PIEZO2: variants seen among roughly 807,000 people sequenced by gnomAD.
The protein encoded by PIEZO2 is piezo type mechanosensitive ion channel component 2.
Under a neutral mutation model 337.3 loss-of-function variants are expected in PIEZO2, and 172 were observed. The observed-to-expected ratio is 0.51, with a 90% CI of 0.45 to 0.58. The LOEUF (loss-of-function observed/expected upper bound fraction) is 0.58, where lower values mean the gene tolerates loss of function less well. PIEZO2 is among the 20% of genes least tolerant of loss of function. The pLI is 0.00. For missense variants in PIEZO2, 3,028 were observed against 3,391.3 expected (o/e 0.89, Z 2.66); for synonymous variants, 1,251 against 1,228.5 (o/e 1.02, Z -0.38).
intron 1 of PIEZO2, among the ~76,000 whole-genome samples, chr18:11,147,231 C>G (rs1427508546): frequency 1.3e-5 from 2 of 152,154 alleles, no homozygotes; most frequent in Non-Finnish European, 2.9e-5. Flanking sequence ...AATGGAAACT[C>G]AAACTGCAAA....
rs796492913 is a variant in PIEZO2 at position 10,877,574 on chromosome 18, A to C, written c.330-6159T>G. ...CCTAGTGACCAAAACAGAACCTGGA[A>C]GCTTCCATTCTCTCACTGAAAGACT... On this transcript the variant is annotated intron_variant, in intron 4 of 55. Transcript: ENST00000674853. The surrounding 1 kb of genome is among the most constrained non-coding windows in gnomAD (Gnocchi z 5.3). 1.3e-5 allele frequency among the ~76,000 whole-genome samples: 2 copies of C among 152,288 alleles called. No homozygotes were observed. Among genetic ancestry groups the C allele is most frequent in the African/African-American group, 4.8e-5 (2 of 41,556 alleles).
rs2035818177 is a variant in PIEZO2, at chr18:11,009,307, T to C, written c.161-29647A>G. Among the ~76,000 whole-genome samples the C allele has an allele frequency of 6.6e-6, 1 of 152,210 alleles. No homozygotes were observed. The highest frequency in any genetic ancestry group is 6.5e-5 in the Admixed American group (1 of 15,282). Reference sequence around the variant, plus strand: ...TGCATTGAAGCCCCTTGGGAATCTTTAAGAATAGGATGGATGTCCAGACTC... The same window carrying C: ...TGCATTGAAGCCCCTTGGGAATCTTCAAGAATAGGATGGATGTCCAGACTC... On this transcript the variant is annotated intron_variant, in intron 2 of 55. Transcript: ENST00000674853. The surrounding 1 kb of genome is among the most constrained non-coding windows in gnomAD (Gnocchi z 4.6).
chr18:11,127,684 T>TTA lies in PIEZO2; in HGVS notation c.64+20839_64+20840dup, dbSNP rs758235112. Reference sequence around the variant, plus strand: ...AAGTTAATACTTAATAAACTCCCCTTTATATATATATACATATATATGTCA... The same window carrying TTA: ...AAGTTAATACTTAATAAACTCCCCTTTATATATATATATACATATATATGTCA... On this transcript the variant is annotated intron_variant, in intron 1 of 55. Coordinates refer to ENST00000674853, the MANE Select transcript of PIEZO2 (RefSeq NM_001378183.1). The surrounding 1 kb of genome is among the most constrained non-coding windows in gnomAD (Gnocchi z 4.5). 1.5e-3 allele frequency among the ~76,000 whole-genome samples: 228 copies of TTA among 151,204 alleles called. 1 individual carries two copies. Among genetic ancestry groups the TTA allele is most frequent in the Non-Finnish European group, 2.0e-3 (136 of 67,778 alleles).
chr18:10,891,362 G>C (rs2042750762), intron 4 of PIEZO2, among the ~76,000 whole-genome samples: 1 of 152,158 alleles, frequency 6.6e-6, no homozygotes, highest in Non-Finnish European at 1.5e-5. Flanking sequence ...TGCGGTCACA[G>C]TAAAAAGTTT....
chr18:11,061,290 G>A (rs1207495176), intron 2 of PIEZO2, among the ~76,000 whole-genome samples: 3 of 151,306 alleles, frequency 2.0e-5, no homozygotes, highest in Admixed American at 6.6e-5. Context: ...CAAACCCACA[G>A]CCAATATCAT....
At chr18:10,742,071 C>A (rs1392302855) in intron 32 of PIEZO2, among the ~76,000 whole-genome samples, 1 of 151,996 alleles carries the variant, frequency 6.6e-6, no homozygotes, top group Non-Finnish European at 1.5e-5. Flanking sequence ...AGGAGAATGG[C>A]GTGAACCCGG....
At chr18:10,752,995 G>A in intron 27 of PIEZO2, 116 bp from the exon 28 acceptor site, 1 of 1,257,842 alleles carries the variant, frequency 8.0e-7, no homozygotes, top group Non-Finnish European at 1.1e-6. Context: ...TTGCAAATCA[G>A]ACTGTGAGCT....
At chr18:10,849,551 T>C (rs970458037) in intron 7 of PIEZO2, among the ~76,000 whole-genome samples, 22 of 152,188 alleles carry the variant, frequency 1.4e-4, no homozygotes, top group African/African-American at 5.3e-4. Context: ...ATCTGCATCG[T>C]TAACGCAGGA....
chr18:11,013,878 C>A (rs1023199886), intron 2 of PIEZO2, among the ~76,000 whole-genome samples: 1 of 152,166 alleles, frequency 6.6e-6, no homozygotes, highest in Non-Finnish European at 1.5e-5. Flanking sequence ...TTAAACGTGT[C>A]ATTTCTCCTA....
In PIEZO2 at chr18:11,035,278, G is replaced by T. The variant is rs2036885833; in HGVS notation, c.160+30849C>A. 6.6e-6 allele frequency among the ~76,000 whole-genome samples: 1 copy of T among 151,780 alleles called. No homozygotes were observed. The highest frequency in any genetic ancestry group is 1.5e-5 in the Non-Finnish European group (1 of 67,978). The stretch of plus-strand genomic sequence containing the variant: ...TTGCTCTGTTAGTTCACGGAGAGCT[G>T]GTTGTTTAAAAAGCCTGGCACCTTC... On this transcript the variant is annotated intron_variant, in intron 2 of 55. Transcript: ENST00000674853. The surrounding 1 kb of genome is among the most constrained non-coding windows in gnomAD (Gnocchi z 4.3).
chr18:10,757,821 C>G, intron 27 of PIEZO2, 148 bp downstream of exon 27: 1 of 920,924 alleles, frequency 1.1e-6, no homozygotes. Context: ...CTCCAGGCTG[C>G]TGAACCACAT....
In PIEZO2 at chr18:11,105,713, A is replaced by G. The variant is rs1481057500; in HGVS notation, c.65-39491T>C. On this transcript the variant is annotated intron_variant, in intron 1 of 55. Coordinates refer to ENST00000674853, the MANE Select transcript of PIEZO2 (RefSeq NM_001378183.1). The surrounding 1 kb of genome is among the most constrained non-coding windows in gnomAD (Gnocchi z 4.3). ...GAAAGCCTGAGCTGGGGAATGTTTC[A>G]TGAATGCTAGTGCTGCTTGAGGCTT... Among the ~76,000 whole-genome samples the G allele has an allele frequency of 6.6e-6, 1 of 152,202 alleles. No homozygotes were observed. The highest frequency in any genetic ancestry group is 2.4e-5 in the African/African-American group (1 of 41,462).
chr18:10,987,205 T>A (rs1598787202), intron 2 of PIEZO2, among the ~76,000 whole-genome samples: 1 of 151,786 alleles, frequency 6.6e-6, no homozygotes, highest in Admixed American at 6.6e-5. Context: ...ATAGAAAAAA[T>A]TATCTTAACA....
intron 49 of PIEZO2, among the ~76,000 whole-genome samples, chr18:10,686,462 G>A (rs191590576): frequency 6.6e-6 from 1 of 152,340 alleles, no homozygotes; most frequent in East Asian, 1.9e-4. Flanking sequence ...TCTATTTCAG[G>A]TAGCCAGGAC....
At chr18:10,735,394 T>C (rs1011677665) in intron 34 of PIEZO2, among the ~76,000 whole-genome samples, 64 bp from the exon 35 acceptor site, 3 of 152,162 alleles carry the variant, frequency 2.0e-5, no homozygotes, top group Non-Finnish European at 2.9e-5. Context: ...ATTTAATATA[T>C]GATGTCAGCA....
chr18:10,786,259 G>C (rs114960985), intron 16 of PIEZO2, among the ~76,000 whole-genome samples: 1,965 of 152,270 alleles, frequency 0.013, 46 homozygotes, highest in African/African-American at 0.045. Flanking sequence ...AAATAGTTTT[G>C]TTTGTCTCCT....
At chr18:10,930,561 C>G (rs1402917935) in intron 3 of PIEZO2, among the ~76,000 whole-genome samples, 1 of 152,214 alleles carries the variant, frequency 6.6e-6, no homozygotes, top group South Asian at 2.1e-4. Flanking sequence ...CACATGTTCT[C>G]AGGACCTCCT....
At position 10,945,053 on chromosome 18, in the gene PIEZO2, G is replaced by GA. The variant is rs2032944433; in HGVS notation, c.287-33826dup. On this transcript the variant is annotated intron_variant, in intron 3 of 55. Transcript: ENST00000674853. This position sits in a 1 kb window ranked among gnomAD's most constrained non-coding sequence, Gnocchi z 4.0. ...ATGTCAAGAATGCTACAGTTCACAG[G>GA]AAAGAGTATTAGAGAATAGATTGCA... Among the ~76,000 whole-genome samples, 1 of 152,112 alleles carries GA rather than the reference G, an allele frequency of 6.6e-6. No homozygotes were observed. Among genetic ancestry groups the GA allele is most frequent in the African/African-American group, 2.4e-5 (1 of 41,418 alleles).
intron 24 of PIEZO2, among the ~76,000 whole-genome samples, chr18:10,760,336 G>A (rs1208614442): frequency 2.0e-5 from 3 of 152,118 alleles, no homozygotes; most frequent in Admixed American, 2.0e-4. Flanking sequence ...ATGGAATCTT[G>A]CCCTGTCACC....
Sources: allele counts gnomAD v4.1 joint callset (sites outside exome capture counted in the v4.1 genomes callset), GRCh38; gene constraint gnomAD v4.1.1; non-coding constraint Gnocchi (gnomAD v3.1); transcripts MANE v1.5; gene names NCBI Gene and HGNC (gene_info 2026-07-23, HGNC 2026-07-21).